WNT2B: variants seen among roughly 807,000 people sequenced by gnomAD.
WNT2B encodes the protein protein Wnt-2b.
WNT2B carries 19 observed loss-of-function variants against 40.5 expected under a neutral mutation model. That is an observed-to-expected ratio of 0.47 (90% CI 0.33 to 0.69). The LOEUF is 0.69. Among genes scored for constraint, WNT2B ranks in the 30% least tolerant of loss-of-function variants. WNT2B has a pLI of 0.02. For missense variants in WNT2B, 467 were observed against 556.4 expected (o/e 0.84, Z 1.62); for synonymous variants, 220 against 211.9 (o/e 1.04, Z -0.33).
rs1357147771 is a variant in WNT2B, at chr1:112,515,402, G to GT, written c.403+309dup. 6.6e-6 allele frequency among the ~76,000 whole-genome samples: 1 copy of GT among 152,124 alleles called. No individual in the cohort carries two copies. ...CCAGCTTGGGAGGCTACCATGTACTGTAAGGCTGAGGTCTATGATAGGCCC... is the reference window on the plus strand; with the variant it reads ...CCAGCTTGGGAGGCTACCATGTACTGTTAAGGCTGAGGTCTATGATAGGCCC... On this transcript the variant is annotated intron_variant, in intron 2 of 4. Transcript: ENST00000369684. The surrounding 1 kb of genome is among the most constrained non-coding windows in gnomAD (Gnocchi z 4.4).
chr1:112,516,185 T>C lies in WNT2B; in HGVS notation c.449T>C (p.Val150Ala), dbSNP rs1557921734. ...AFVYAISSAG[V>A]VHAITRACSQ... ...GTATATGCCATCTCATCAGCAGGGG[T>C]AGTCCACGCTATTACTCGCGCCTGT... The change falls in exon 3 of 5, where the codon GTA becomes GCA. Residue 150 changes from valine to alanine, a missense_variant. By Grantham distance (64) the Val-to-Ala change is moderately conservative. This residue lies in a region of WNT2B where 330 missense variants were observed against 438.6 expected (regional missense o/e 0.75). Coordinates refer to ENST00000369684, the MANE Select transcript of WNT2B (RefSeq NM_024494.3). 5 of 1,613,752 alleles carry C rather than the reference T, an allele frequency of 3.1e-6. No homozygotes were observed. The highest frequency in any genetic ancestry group is 3.4e-6 in the Non-Finnish European group (4 of 1,179,952).
In WNT2B at chr1:112,525,189, C is replaced by T. The variant is rs1180773272; in HGVS notation, c.*4680C>T. 6.6e-6 allele frequency: 1 copy of T among 152,218 alleles called. No homozygotes were observed. Among genetic ancestry groups the T allele is most frequent in the Non-Finnish European group, 1.5e-5 (1 of 68,062 alleles). The allele number at this position is 152,218 out of a possible 1,614,324, so 9.4% of individuals were successfully genotyped here. A position where few individuals can be genotyped will look rare whatever the true frequency, so the allele number is the denominator to read the frequency against. ...TGGGGTATAACTGCCAAGCCTACTG[C>T]TCATGACCTGTGGTTGTTTTTAACT... is the stretch of plus-strand genomic sequence containing the variant. On this transcript the variant is annotated 3_prime_UTR_variant, in exon 5 of 5. Transcript: ENST00000369684.
In WNT2B at chr1:112,529,904, C is replaced by G. The variant is rs376359831; in HGVS notation, c.*9395C>G. 4 of 152,186 alleles carry G rather than the reference C, an allele frequency of 2.6e-5. No individual in the cohort carries two copies. The South Asian group carries it at 8.3e-4, about 32-fold the overall frequency. The allele number at this position is 152,186 out of a possible 1,614,324, so 9.4% of individuals were successfully genotyped here. A position where few individuals can be genotyped will look rare whatever the true frequency, so the allele number is the denominator to read the frequency against. On this transcript the variant is annotated 3_prime_UTR_variant, in exon 5 of 5. Transcript: ENST00000369684. ...TAGCAGACACAGTTGCTAGTTTGAA[C>G]AGGAATGCAGATGAATGGATGAAAG...
At chr1:112,480,945 G>A (rs1265767244) in intron 1 of WNT2B, among the ~76,000 whole-genome samples, 1 of 152,102 alleles carries the variant, frequency 6.6e-6, no homozygotes, top group Non-Finnish European at 1.5e-5. Context: ...GAGGTGGATG[G>A]ATCACCTGAG....
chr1:112,499,561 T>C (rs1651883946), intron 1 of WNT2B, among the ~76,000 whole-genome samples: 1 of 152,158 alleles, frequency 6.6e-6, no homozygotes, highest in Non-Finnish European at 1.5e-5. Context: ...ATCATATCAA[T>C]AAATGCAGAA....
intron 3 of WNT2B, 57 bp downstream of exon 3, chr1:112,516,474 G>A (rs1652552399): frequency 1.4e-5 from 22 of 1,561,392 alleles, no homozygotes; most frequent in Middle Eastern, 2.3e-4. Flanking sequence ...ACCAGTGTGT[G>A]TGACCATGGA....
chr1:112,518,179 T>C (rs1652661629), intron 4 of WNT2B: 1 of 152,180 alleles, frequency 6.6e-6, no homozygotes, highest in Admixed American at 6.5e-5. Context: ...TTCTTGGAGG[T>C]GCTGGAAGTT....
Position 112,521,817 on chromosome 1 carries a change from T to A in WNT2B, c.*1308T>A, listed in dbSNP as rs1329888129. 1 of 152,338 alleles carries A rather than the reference T, an allele frequency of 6.6e-6. No individual in the cohort carries two copies. The highest frequency in any genetic ancestry group is 2.1e-4 in the South Asian group (1 of 4,826). The allele number at this position is 152,338 out of a possible 1,614,324, so 9.4% of individuals were successfully genotyped here. ...GGACATGAAGTCCCCCAAAACTTGA[T>A]GTCCTATTTTTATGTGAGTTGGACA... On this transcript the variant is annotated 3_prime_UTR_variant, in exon 5 of 5. Transcript: ENST00000369684.
chr1:112,482,487 C>T (rs61820468), intron 1 of WNT2B, among the ~76,000 whole-genome samples: 55,080 of 151,912 alleles, frequency 0.36, 11,342 homozygotes, highest in South Asian at 0.55. Flanking sequence ...AGGCACATGC[C>T]ACCAGCCCCA....
chr1:112,494,892 G>A (rs1651715577), intron 1 of WNT2B, among the ~76,000 whole-genome samples: 1 of 151,464 alleles, frequency 6.6e-6, no homozygotes, highest in African/African-American at 2.5e-5. Context: ...ACAGATAACA[G>A]TTTGTTCAAA....
At chr1:112,493,073 G>A (rs537483469) in intron 1 of WNT2B, among the ~76,000 whole-genome samples, 52 of 150,654 alleles carry the variant, frequency 3.5e-4, no homozygotes, top group Non-Finnish European at 6.5e-4. Context: ...GATATGGCAG[G>A]GATATTGGAA....
Position 112,514,943 on chromosome 1 carries a change from G to C in WNT2B, c.252G>C (p.Gln84His), listed in dbSNP as rs752656215. The change falls in exon 2 of 5, where the codon CAG (glutamine) becomes CAC (histidine). Residue 84 changes from glutamine (Q) to histidine (H), a missense_variant. Gln to His is a conservative substitution (Grantham distance 24). This residue lies in a region of WNT2B where 137 missense variants were observed against 117.7 expected (regional missense o/e 1.16). Coordinates refer to ENST00000369684, the MANE Select transcript of WNT2B (RefSeq NM_024494.3). ...NIPGLVSRQR[Q>H]LCQRYPDIMR... ...CTGGTTTGGTGAGCCGGCAGCGGCAGCTGTGCCAGCGTTACCCAGACATCA... is the reference window on the plus strand; with the variant it reads ...CTGGTTTGGTGAGCCGGCAGCGGCACCTGTGCCAGCGTTACCCAGACATCA... The C allele has an allele frequency of 6.2e-7, 1 of 1,614,248 alleles. No individual in the cohort carries two copies. The highest frequency in any genetic ancestry group is 1.1e-5 in the South Asian group (1 of 91,086).
At position 112,517,189 on chromosome 1, in the gene WNT2B, C is replaced by G. The variant is rs1652595207; in HGVS notation, c.750C>G (p.Thr250=). 2 of 1,614,188 alleles carry G rather than the reference C, an allele frequency of 1.2e-6. No homozygotes were observed. Among genetic ancestry groups the G allele is most frequent in the Middle Eastern group, 3.3e-4 (2 of 6,042 alleles). The change falls in exon 4 of 5, where the codon ACC becomes ACG. Residue 250 remains threonine (T), a synonymous_variant. Coordinates refer to ENST00000369684, the MANE Select transcript of WNT2B (RefSeq NM_024494.3). The part of the protein sequence containing the change: ...HGVSGSCTLR[T]CWRALSDFRR... ...TGAGTGGTTCCTGTACTCTGCGCAC[C>G]TGCTGGCGTGCACTCTCAGATTTCC...
At chr1:112,489,404 CA>C (rs201549284) in intron 1 of WNT2B, among the ~76,000 whole-genome samples, 17 of 147,756 alleles carry the variant, frequency 1.2e-4, no homozygotes, top group African/African-American at 3.5e-4. Context: ...ACTAAAAATA[CA>C]AAAAAAAAAT....
At chr1:112,510,028 C>T (rs1334592178) in intron 1 of WNT2B, among the ~76,000 whole-genome samples, 1 of 152,136 alleles carries the variant, frequency 6.6e-6, no homozygotes, top group Non-Finnish European at 1.5e-5. Context: ...CTTCAGCCAC[C>T]GTTTTGAGGA....
chr1:112,489,645 C>T (rs1304553344), intron 1 of WNT2B, among the ~76,000 whole-genome samples: 1 of 152,174 alleles, frequency 6.6e-6, no homozygotes, highest in Non-Finnish European at 1.5e-5. Context: ...TACCAGTTGT[C>T]ATAAAACTTG....
rs1357775445 is a variant in WNT2B at position 112,523,998 on chromosome 1, T to A, written c.*3489T>A. The A allele has an allele frequency of 7.0e-6, 1 of 143,522 alleles. No homozygotes were observed. The highest frequency in any genetic ancestry group is 1.5e-5 in the Non-Finnish European group (1 of 64,854). 8.9% of individuals were successfully genotyped at this position (143,522 alleles called of 1,614,324 possible). On this transcript the variant is annotated 3_prime_UTR_variant, in exon 5 of 5. Transcript: ENST00000369684. ...AAAAATAAAATCAGGGGCTTCAGAT[T>A]AAAAAAAAAAACAAAAAACAAAAAA...
At chr1:112,483,266 CTTG>C (rs1353129906) in intron 1 of WNT2B, among the ~76,000 whole-genome samples, 1 of 151,554 alleles carries the variant, frequency 6.6e-6, no homozygotes, top group African/African-American at 2.4e-5. Context: ...CAGTATGGTA[CTTG>C]CATAAAAACA....
upstream of WNT2B, chr1:112,508,668 A>G (rs1476956301): frequency 4.1e-6 from 4 of 972,418 alleles, no homozygotes; most frequent in Non-Finnish European, 4.9e-6. This position sits in a 1 kb window ranked among gnomAD's most constrained non-coding sequence, Gnocchi z 4.2. Flanking sequence ...CGTCACCCAT[A>G]GAAGTGGGGC....
Sources: allele counts gnomAD v4.1 joint callset (sites outside exome capture counted in the v4.1 genomes callset), GRCh38; gene constraint gnomAD v4.1.1; regional missense constraint gnomAD v4.1.1; non-coding constraint Gnocchi (gnomAD v3.1); transcripts MANE v1.5; gene names NCBI Gene and HGNC (gene_info 2026-07-23, HGNC 2026-07-21).